Variants in NEBL observed in about 807,000 individuals in gnomAD.
The protein encoded by NEBL is nebulette.
Under a neutral mutation model 140.2 loss-of-function variants are expected in NEBL, and 122 were observed. The observed-to-expected ratio is 0.87, with a 90% CI of 0.75 to 1.01. The LOEUF (loss-of-function observed/expected upper bound fraction) is 1.01. Ranked by LOEUF, NEBL falls within the 50% of genes least tolerant of loss-of-function variation. The probability of loss-of-function intolerance (pLI) is 0.00; values close to 1 mark genes in which losing one functional copy is unlikely to be tolerated. For missense variants in NEBL, 1,365 were observed against 1,231.3 expected (o/e 1.11, Z -1.62); for synonymous variants, 436 against 398.9 (o/e 1.09, Z -1.11).
intron 3 of NEBL, among the ~76,000 whole-genome samples, chr10:20,964,833 G>A (rs148428319): frequency 2.0e-5 from 3 of 152,154 alleles, no homozygotes; most frequent in Non-Finnish European, 4.4e-5. Context: ...CACCATCTGA[G>A]CACCTGAATT....
Position 20,852,452 on chromosome 10 carries a change from T to C in NEBL, c.1008+93A>G. ...TTTATTCTTTTCTGCAACTGTACTT[T>C]CTCAGTTAAGACGCACGGCAGTGAG... On this transcript the variant is annotated intron_variant, in intron 10 of 27. Transcript: ENST00000377122. 3 of 814,356 alleles carry C rather than the reference T, an allele frequency of 3.7e-6. 1 individual carries two copies. The South Asian group carries it at 4.0e-5, about 11-fold the overall frequency. The allele number at this position is 814,356 out of a possible 1,614,324, so 50.4% of individuals were successfully genotyped here.
chr10:21,046,892 G>A lies in NEBL; in HGVS notation c.165-26691C>T, dbSNP rs543048352. 2.9e-3 allele frequency among the ~76,000 whole-genome samples: 440 copies of A among 152,150 alleles called. 2 individuals are homozygous for A. Among genetic ancestry groups the A allele is most frequent in the Admixed American group, 4.4e-3 (67 of 15,268 alleles). Reference sequence around the variant, plus strand: ...GCTGGGATTACAGGCATGAGCCACCGCGCCCGGCCCCTAACCTCAATATTT... The same window carrying A: ...GCTGGGATTACAGGCATGAGCCACCACGCCCGGCCCCTAACCTCAATATTT... On this transcript the variant is annotated intron_variant, in intron 2 of 6. Coordinates refer to the NEBL transcript ENST00000417816.
At chr10:21,255,709 C>T (rs1394083661) in intron 1 of NEBL, among the ~76,000 whole-genome samples, 2 of 152,048 alleles carry the variant, frequency 1.3e-5, no homozygotes, top group African/African-American at 4.8e-5. Context: ...GAAAAGGATT[C>T]ATCTCCGGCT....
chr10:20,931,780 A>G (rs913312690), intron 4 of NEBL, among the ~76,000 whole-genome samples: 4 of 152,168 alleles, frequency 2.6e-5, no homozygotes, highest in Non-Finnish European at 5.9e-5. Flanking sequence ...CCCATATTCT[A>G]TCATCCTTTA....
intron 2 of NEBL, among the ~76,000 whole-genome samples, chr10:21,095,102 T>G (rs1346378485): frequency 6.6e-6 from 1 of 152,216 alleles, no homozygotes; most frequent in Non-Finnish European, 1.5e-5. Context: ...CCAATTCACA[T>G]TCCAAGGCCT....
intron 2 of NEBL, chr10:21,030,341 G>A (rs901930911): frequency 2.2e-5 from 14 of 625,130 alleles, no homozygotes; most frequent in East Asian, 4.3e-5. Context: ...TGGGACCTCC[G>A]CCACACCCGG....
chr10:20,923,948 A>G (rs192315965), intron 4 of NEBL, among the ~76,000 whole-genome samples: 1 of 152,152 alleles, frequency 6.6e-6, no homozygotes, highest in Non-Finnish European at 1.5e-5. Flanking sequence ...GCCCTTTTCT[A>G]ATTCATCTGG....
At chr10:21,239,269 G>A (rs979382090) in intron 3 of NEBL, among the ~76,000 whole-genome samples, 4 of 151,750 alleles carry the variant, frequency 2.6e-5, no homozygotes, top group Non-Finnish European at 5.9e-5. Context: ...AAACAAACAC[G>A]TGAAAATGAG....
intron 3 of NEBL, among the ~76,000 whole-genome samples, chr10:21,237,711 A>G (rs1283665377): frequency 6.6e-6 from 1 of 152,014 alleles, no homozygotes; most frequent in East Asian, 1.9e-4. Context: ...GGTTCAAGAA[A>G]TTCTCCTGCC....
At chr10:20,801,667 A>G (rs2130711707) in intron 26 of NEBL, among the ~76,000 whole-genome samples, 1 of 152,166 alleles carries the variant, frequency 6.6e-6, no homozygotes, top group African/African-American at 2.4e-5. Context: ...TACTAGATAA[A>G]TGTTTGATGA....
At chr10:20,877,147 G>C (rs146384270) in intron 5 of NEBL, among the ~76,000 whole-genome samples, 10 of 152,302 alleles carry the variant, frequency 6.6e-5, no homozygotes, top group Non-Finnish European at 1.5e-4. Flanking sequence ...GGACGAAATA[G>C]AACCAGTAAT....
chr10:20,883,311 G>T (rs1846190806), intron 4 of NEBL, among the ~76,000 whole-genome samples: 1 of 152,120 alleles, frequency 6.6e-6, no homozygotes, highest in Admixed American at 6.6e-5. Flanking sequence ...GATTTGGTTG[G>T]TTACCAAATC....
At chr10:21,254,368 C>A (rs566872584) in intron 1 of NEBL, among the ~76,000 whole-genome samples, 1 of 152,198 alleles carries the variant, frequency 6.6e-6, no homozygotes, top group East Asian at 1.9e-4. Context: ...CCTGATCTTC[C>A]ATCTCAGCCT....
chr10:20,804,202 A>C (rs1264164996), intron 26 of NEBL: 4 of 152,192 alleles, frequency 2.6e-5, no homozygotes, highest in African/African-American at 9.7e-5. Context: ...GAAGGAAAAA[A>C]TTCAGAGAAA....
chr10:20,835,413 G>A (rs1193853254), intron 14 of NEBL, 100 bp downstream of exon 14: 7 of 909,628 alleles, frequency 7.7e-6, no homozygotes, highest in Admixed American at 6.8e-5. Context: ...TAAACCAGCT[G>A]CAATGCTTTG....
intron 4 of NEBL, among the ~76,000 whole-genome samples, chr10:20,881,409 T>C (rs1287051092): frequency 1.3e-5 from 2 of 152,188 alleles, no homozygotes; most frequent in Non-Finnish European, 2.9e-5. Context: ...ATATGTCAAG[T>C]CTTGGCCTCC....
intron 3 of NEBL, among the ~76,000 whole-genome samples, chr10:20,964,751 A>G (rs1836217143): frequency 1.3e-5 from 2 of 152,176 alleles, no homozygotes; most frequent in Non-Finnish European, 2.9e-5. Context: ...GCTGACTACC[A>G]TGTGGCCACT....
intron 26 of NEBL, among the ~76,000 whole-genome samples, chr10:20,798,706 C>T (rs1340634055): frequency 1.3e-5 from 2 of 152,150 alleles, no homozygotes; most frequent in African/African-American, 4.8e-5. Flanking sequence ...CAAAACTTCT[C>T]TTTCTCCAAA....
At chr10:21,226,929 C>T (rs867163035) in intron 3 of NEBL, among the ~76,000 whole-genome samples, 3 of 152,254 alleles carry the variant, frequency 2.0e-5, no homozygotes, top group Non-Finnish European at 1.5e-5. Flanking sequence ...CTGGAGGCTT[C>T]AAATCAGCCA....
Sources: gnomAD v4.1 joint callset for allele counts (sites outside exome capture counted in the v4.1 genomes callset) on GRCh38, gnomAD v4.1.1 for gene constraint, MANE v1.5 for transcripts, NCBI Gene and HGNC (gene_info 2026-07-23, HGNC 2026-07-21) for gene names.